KALRN: variants seen among roughly 807,000 people sequenced by gnomAD.
The protein encoded by KALRN is kalirin.
KALRN carries 70 observed loss-of-function variants against 353.7 expected under a neutral mutation model. That is an observed-to-expected ratio of 0.20 (90% confidence interval 0.16 to 0.24). The LOEUF (loss-of-function observed/expected upper bound fraction) is 0.24. KALRN is among the 10% of genes least tolerant of loss of function. The probability of loss-of-function intolerance (pLI) is 1.00; values close to 1 mark genes in which losing one functional copy is unlikely to be tolerated. For synonymous variants in KALRN, 1,391 were observed against 1,434.8 expected (o/e 0.97, Z 0.69); for missense variants, 2,791 against 3,756.7 (o/e 0.74, Z 6.72).
chr3:124,189,614 C>T (rs2074654610), intron 1 of KALRN, among the ~76,000 whole-genome samples: 1 of 151,628 alleles, frequency 6.6e-6, no homozygotes, highest in Non-Finnish European at 1.5e-5. Flanking sequence ...ACCAGCCTGG[C>T]CAACATGGTG....
At chr3:124,356,190 CTT>C (rs999585087) in intron 10 of KALRN, among the ~76,000 whole-genome samples, 6 of 152,080 alleles carry the variant, frequency 3.9e-5, no homozygotes, top group Admixed American at 3.9e-4. Flanking sequence ...CTGCCATTGG[CTT>C]TTGTTCTCTC....
At chr3:124,210,632 A>G (rs1215434951) in intron 1 of KALRN, among the ~76,000 whole-genome samples, 2 of 152,208 alleles carry the variant, frequency 1.3e-5, no homozygotes, top group African/African-American at 4.8e-5. Context: ...GGGAGAAAGA[A>G]GAAAAAAACA....
In KALRN at chr3:124,379,259, C is replaced by G. The variant is rs76969235; in HGVS notation, c.1771-5586C>G. Among the ~76,000 whole-genome samples the G allele has an allele frequency of 0.011, 1,745 of 152,070 alleles. 65 individuals carry two copies. In the East Asian group the frequency reaches 0.13, roughly 11 times the overall value. On this transcript the variant is annotated intron_variant, in intron 10 of 59. Coordinates refer to ENST00000682506, the MANE Select transcript of KALRN (RefSeq NM_001388419.1). ...AAAAATTTTTTTATTTCTTAACTAT[C>G]TGAACATATGGAATACAATTATAAT...
chr3:124,398,289 T>C (rs2090416520), intron 12 of KALRN, among the ~76,000 whole-genome samples: 1 of 152,198 alleles, frequency 6.6e-6, no homozygotes. Context: ...CTTTAGTATG[T>C]TTGTCTGTAC....
chr3:124,264,302 C>T (rs1021193513), intron 3 of KALRN, among the ~76,000 whole-genome samples, 196 bp from the exon 4 acceptor site: 1 of 152,144 alleles, frequency 6.6e-6, no homozygotes, highest in African/African-American at 2.4e-5. Context: ...AATGCCAGGA[C>T]CATTGGTCAG....
At chr3:124,368,623 G>A (rs1440677116) in intron 10 of KALRN, among the ~76,000 whole-genome samples, 1 of 148,170 alleles carries the variant, frequency 6.7e-6, no homozygotes, top group African/African-American at 2.5e-5. Context: ...GACGATGGGC[G>A]GCCAGGCAGA....
chr3:124,543,684 GT>G (rs1270311912), intron 33 of KALRN, among the ~76,000 whole-genome samples: 2,830 of 145,746 alleles, frequency 0.019, 45 homozygotes, highest in African/African-American at 0.045. Context: ...AAATCAGCAG[GT>G]TTTTTTTTTT....
rs1164350249 is a variant in KALRN, at chr3:124,593,087, G to A, written c.5182+29998G>A. Among the ~76,000 whole-genome samples the A allele has an allele frequency of 2.0e-5, 3 of 152,102 alleles. No individual in the cohort carries two copies. In the East Asian group the frequency reaches 5.8e-4, roughly 29 times the overall value. On this transcript the variant is annotated intron_variant, in intron 34 of 59. Coordinates refer to ENST00000682506, the MANE Select transcript of KALRN (RefSeq NM_001388419.1). The stretch of plus-strand genomic sequence containing the variant: ...TTGTATCTCTTCTTTTACAGCATCT[G>A]GTGTGTCATCAGCTGTCAGGATATT...
At chr3:124,045,443 A>C (rs2040385810) in intron 1 of KALRN, among the ~76,000 whole-genome samples, 1 of 152,200 alleles carries the variant, frequency 6.6e-6, no homozygotes, top group South Asian at 2.1e-4. Flanking sequence ...GGCACATAAC[A>C]TGCTCAGATA....
intron 47 of KALRN, among the ~76,000 whole-genome samples, chr3:124,669,681 A>G (rs1212668899): frequency 6.6e-6 from 1 of 152,226 alleles, no homozygotes; most frequent in African/African-American, 2.4e-5. Context: ...ATGGAGATAC[A>G]GTCAGCCCTT....
intron 10 of KALRN, 105 bp downstream of exon 10, chr3:124,347,370 G>GGTGTGT (rs2082376115): frequency 3.1e-6 from 2 of 644,802 alleles, no homozygotes; most frequent in Non-Finnish European, 4.3e-6. Flanking sequence ...CAGGTGAGAA[G>GGTGTGT]CTGTGTGTGT....
chr3:124,144,497 CTCCTCT>C (rs1169107887), intron 1 of KALRN, among the ~76,000 whole-genome samples: 2 of 152,030 alleles, frequency 1.3e-5, no homozygotes, highest in Admixed American at 6.6e-5. Context: ...CCTCGTCCTC[CTCCTCT>C]TCCTCATTGT....
rs747087120 is a variant in KALRN at position 124,227,663 on chromosome 3, GTTTTTTTTTTTTTTTTTTTTT to G, written c.74-305_74-285del. Among the ~76,000 whole-genome samples, 561 of 69,260 alleles carry G rather than the reference GTTTTTTTTTTTTTTTTTTTTT, an allele frequency of 8.1e-3. 11 individuals carry two copies. Among genetic ancestry groups the G allele is most frequent in the Admixed American group, 0.033 (195 of 5,986 alleles). 45.4% of individuals were successfully genotyped at this position (69,260 alleles called of 152,430 possible). On this transcript the variant is annotated intron_variant, in intron 1 of 59. Transcript: ENST00000682506. Reference sequence around the variant, plus strand: ...CAAGTTGCTCAATAGCAACAGGGCTGTTTTTTTTTTTTTTTTTTTTTTTTTTTTTTTTTTTTTTTTTTGCCC... The same window carrying G: ...CAAGTTGCTCAATAGCAACAGGGCTGTTTTTTTTTTTTTTTTTTTTTGCCC...
At chr3:124,269,923 C>T (rs191524795) in intron 5 of KALRN, among the ~76,000 whole-genome samples, 1 of 152,282 alleles carries the variant, frequency 6.6e-6, no homozygotes, top group African/African-American at 2.4e-5. Context: ...CACTTGTTTC[C>T]AAAGGTTTCT....
intron 37 of KALRN, among the ~76,000 whole-genome samples, chr3:124,642,099 C>T (rs1055299393): frequency 5.9e-5 from 9 of 152,064 alleles, no homozygotes; most frequent in South Asian, 2.1e-4. Flanking sequence ...CTAGGCAACA[C>T]GGTGAAACCC....
intron 5 of KALRN, among the ~76,000 whole-genome samples, chr3:124,278,584 C>G (rs575107683): frequency 1.6e-4 from 25 of 151,722 alleles, no homozygotes; most frequent in African/African-American, 5.6e-4. Flanking sequence ...GACTATGTGT[C>G]TCTACTCTTA....
intron 34 of KALRN, among the ~76,000 whole-genome samples, chr3:124,606,939 A>G (rs181704595): frequency 1.3e-5 from 2 of 152,394 alleles, no homozygotes; most frequent in East Asian, 1.9e-4. Context: ...TGGCAAAATT[A>G]TAGGTAAGGC....
chr3:124,319,828 A>T (rs1167412781), intron 6 of KALRN, among the ~76,000 whole-genome samples: 1 of 151,942 alleles, frequency 6.6e-6, no homozygotes, highest in South Asian at 2.1e-4. Context: ...CCCCGTCTCT[A>T]CTAAAAATAC....
At chr3:124,276,941 GCA>G in intron 5 of KALRN, among the ~76,000 whole-genome samples, 1 of 152,240 alleles carries the variant, frequency 6.6e-6, no homozygotes, top group South Asian at 2.1e-4. Flanking sequence ...ACACACGCAC[GCA>G]CACATGTGCG....
Sources: gnomAD v4.1 joint callset for allele counts (sites outside exome capture counted in the v4.1 genomes callset) on GRCh38, gnomAD v4.1.1 for gene constraint, MANE v1.5 for transcripts, NCBI Gene and HGNC (gene_info 2026-07-23, HGNC 2026-07-21) for gene names.